The following AGBL3 variants were observed in gnomAD, a reference collection of about 807,000 sequenced individuals.
AGBL3 encodes the protein AGBL carboxypeptidase 3, also known as cytosolic carboxypeptidase 3.
In AGBL3, 68 loss-of-function variants were observed where a neutral mutation model predicts 94.5. That is an observed-to-expected ratio of 0.72 (90% CI 0.59 to 0.88). AGBL3 has a LOEUF of 0.88. Ranked by LOEUF, AGBL3 falls within the 40% of genes least tolerant of loss-of-function variation. The pLI, the probability that AGBL3 is intolerant of heterozygous loss-of-function variation, is 0.00. For synonymous variants in AGBL3, 354 were observed against 370.7 expected, an observed-to-expected ratio of 0.95 and a Z score of 0.52; for missense variants, 934 against 1,103.8, an observed-to-expected ratio of 0.85 and a Z score of 2.18.
chr7:135,049,094 A>G (rs955537370), intron 11 of AGBL3, among the ~76,000 whole-genome samples: 1 of 151,800 alleles, frequency 6.6e-6, no homozygotes, highest in African/African-American at 2.4e-5. Flanking sequence ...TACGGCCTAT[A>G]TTATATTGAA....
intron 11 of AGBL3, among the ~76,000 whole-genome samples, chr7:135,047,163 C>A (rs1232624057): frequency 6.6e-6 from 1 of 151,948 alleles, no homozygotes; most frequent in African/African-American, 2.4e-5. Context: ...ATTTGTCTTT[C>A]TGTGATTGGC....
In AGBL3 at chr7:135,034,849, C is replaced by T. The variant is rs139324036; in HGVS notation, c.1258C>T (p.Arg420Trp). Residue 420 changes from arginine (R) to tryptophan (W), a missense_variant, in exon 7 of 17, where the codon CGG becomes TGG. Physicochemically the swap from Arg to Trp is moderately radical, Grantham distance 101. Transcript: ENST00000436302. ...AAATTATCGCTGTTCCTTAGCTGGACGGGATTTAAACCGTAATTATACATC... is the reference window on the plus strand; with the variant it reads ...AAATTATCGCTGTTCCTTAGCTGGATGGGATTTAAACCGTAATTATACATC... ...VGNYRCSLAG[R>W]DLNRNYTSLL... 518 of 1,551,434 alleles carry T rather than the reference C, an allele frequency of 3.3e-4. 5 individuals carry two copies. The African/African-American group carries it at 5.4e-3, about 16-fold the overall frequency.
At chr7:135,007,455 GA>G in intron 4 of AGBL3, among the ~76,000 whole-genome samples, 1 of 151,870 alleles carries the variant, frequency 6.6e-6, no homozygotes, top group East Asian at 1.9e-4. Context: ...AATAAACATA[GA>G]AAAGACATTT....
At chr7:135,016,934 C>A in intron 4 of AGBL3, 118 bp from the exon 5 acceptor site, 1 of 689,418 alleles carries the variant, frequency 1.5e-6, no homozygotes, top group Non-Finnish European at 2.5e-6. Context: ...AATCTTACCC[C>A]ACACAAAACA....
chr7:135,034,019 C>A (rs1003982656), intron 6 of AGBL3, 130 bp from the exon 7 acceptor site: 32 of 868,066 alleles, frequency 3.7e-5, no homozygotes, highest in Non-Finnish European at 4.6e-5. Flanking sequence ...TGTTTCCTAA[C>A]AAAGCTTTCT....
intron 5 of AGBL3, among the ~76,000 whole-genome samples, chr7:135,027,829 A>G (rs560086268): frequency 6.6e-6 from 1 of 151,826 alleles, no homozygotes; most frequent in African/African-American, 2.4e-5. Flanking sequence ...CATACATATA[A>G]CAAAATTTCA....
In AGBL3 at chr7:135,059,233, C is replaced by G; in HGVS notation, c.1906C>G (p.Gln636Glu). ...GACTTACCTTCTCAAGTTAACTTCT[C>G]AGGTATGACTGAACATTTTTGCTTA... ...SLTYLLKLTS[Q>E]KKHLKTKKER... The change falls in exon 12 of 17, where the codon CAG (glutamine) becomes GAG (glutamate). Residue 636 changes from glutamine (Q) to glutamate (E), a missense_variant and splice_region_variant. By Grantham distance (29) the Gln-to-Glu change is conservative. Transcript: ENST00000436302. 1.3e-6 allele frequency: 2 copies of G among 1,550,176 alleles called. No homozygotes were observed. Among genetic ancestry groups the G allele is most frequent in the Non-Finnish European group, 1.7e-6 (2 of 1,145,932 alleles).
intron 5 of AGBL3, among the ~76,000 whole-genome samples, chr7:135,024,578 G>A (rs971620289): frequency 6.6e-6 from 1 of 152,224 alleles, no homozygotes; most frequent in South Asian, 2.1e-4. Flanking sequence ...CAGATAATTC[G>A]AAAAGTCTGA....
In AGBL3 at chr7:134,993,617, A is replaced by G. The variant is rs1322045882; in HGVS notation, c.249A>G (p.Pro83=). ...TATATGGTGTCTCTTCTTCTGGTCCATTGAGCCCAACACGGTGGCCATACC... is the reference window on the plus strand; with the variant it reads ...TATATGGTGTCTCTTCTTCTGGTCCGTTGAGCCCAACACGGTGGCCATACC... ...RDLYGVSSSG[P]LSPTRWPYHC... Residue 83 remains proline (P), a synonymous_variant, in exon 4 of 17, where the codon CCA becomes CCG. Transcript: ENST00000436302. The G allele has an allele frequency of 2.6e-6, 4 of 1,552,210 alleles. No homozygotes were observed. The highest frequency in any genetic ancestry group is 2.0e-5 in the Admixed American group (1 of 51,010).
At chr7:135,000,520 A>C (rs561437466) in intron 4 of AGBL3, among the ~76,000 whole-genome samples, 1 of 152,272 alleles carries the variant, frequency 6.6e-6, no homozygotes, top group Non-Finnish European at 1.5e-5. Flanking sequence ...CTTGGACTGG[A>C]TTACACCACC....
At chr7:135,098,509 G>A (rs1314373582) in intron 15 of AGBL3, among the ~76,000 whole-genome samples, 1 of 152,142 alleles carries the variant, frequency 6.6e-6, no homozygotes, top group Non-Finnish European at 1.5e-5. Flanking sequence ...TTAAATCCAC[G>A]GATGTGGAGC....
chr7:135,045,777 C>A, intron 10 of AGBL3, 22 bp from the exon 11 acceptor site: 1 of 1,469,846 alleles, frequency 6.8e-7, no homozygotes, highest in South Asian at 1.2e-5. Flanking sequence ...TCATAATGAG[C>A]TCATTTATTA....
chr7:135,113,028 C>T (rs1825858283), intron 15 of AGBL3, among the ~76,000 whole-genome samples: 1 of 152,210 alleles, frequency 6.6e-6, no homozygotes, highest in Admixed American at 6.5e-5. Context: ...CCATCTGCCT[C>T]AGCCTCCTAA....
intron 5 of AGBL3, among the ~76,000 whole-genome samples, chr7:135,017,960 C>T (rs1813995467): frequency 6.6e-6 from 1 of 152,074 alleles, no homozygotes; most frequent in African/African-American, 2.4e-5. Context: ...CCATACATAA[C>T]TGAAATGAGA....
intron 16 of AGBL3, among the ~76,000 whole-genome samples, chr7:135,126,382 CAA>C (rs1250582954): frequency 6.6e-6 from 1 of 151,712 alleles, no homozygotes; most frequent in African/African-American, 2.4e-5. Flanking sequence ...ACCAAGGAAA[CAA>C]GAGAGGATAC....
chr7:135,047,497 AG>A (rs1817478229), intron 11 of AGBL3, among the ~76,000 whole-genome samples: 1 of 151,918 alleles, frequency 6.6e-6, no homozygotes, highest in South Asian at 2.1e-4. Flanking sequence ...TTCCCACCAT[AG>A]TGTACAAGGT....
At chr7:135,126,164 A>G (rs1232352839) in intron 16 of AGBL3, among the ~76,000 whole-genome samples, 1 of 152,032 alleles carries the variant, frequency 6.6e-6, no homozygotes, top group Non-Finnish European at 1.5e-5. Flanking sequence ...CAGCCCCAAA[A>G]CTCCTTAACT....
chr7:135,051,291 A>T (rs1442785016), intron 11 of AGBL3: 1 of 179,042 alleles, frequency 5.6e-6, no homozygotes, highest in East Asian at 1.8e-4. Context: ...GCAGAGTATG[A>T]TTTTGAGCTC....
At chr7:135,080,445 A>C (rs988519581) in intron 14 of AGBL3, among the ~76,000 whole-genome samples, 185 bp downstream of exon 14, 2 of 152,204 alleles carry the variant, frequency 1.3e-5, no homozygotes, top group Non-Finnish European at 2.9e-5. Context: ...ATCCAAGCGC[A>C]GTGTCATAGA....
Sources: gnomAD v4.1 joint callset for allele counts (sites outside exome capture counted in the v4.1 genomes callset) on GRCh38, gnomAD v4.1.1 for gene constraint, MANE v1.5 for transcripts, NCBI Gene and HGNC (gene_info 2026-07-23, HGNC 2026-07-21) for gene names.